Variants in CRPPA observed in about 807,000 individuals in gnomAD.
CRPPA encodes CDP-L-ribitol pyrophosphorylase A, also known as D-ribitol-5-phosphate cytidylyltransferase.
A neutral mutation model predicts 52.0 loss-of-function variants in CRPPA; 43 were observed. That is an observed-to-expected ratio of 0.83 (90% confidence interval 0.65 to 1.07). The LOEUF (loss-of-function observed/expected upper bound fraction) is 1.07. Among genes scored for constraint, CRPPA ranks in the 50% least tolerant of loss-of-function variants. CRPPA has a pLI of 0.00. For missense variants in CRPPA, 629 were observed against 551.7 expected, an observed-to-expected ratio of 1.14 and a Z score of -1.40; for synonymous variants, 250 against 203.5, an observed-to-expected ratio of 1.23 and a Z score of -1.94.
intron 8 of CRPPA, among the ~76,000 whole-genome samples, chr7:16,249,200 A>G (rs958682076): frequency 2.0e-5 from 3 of 152,174 alleles, no homozygotes; most frequent in African/African-American, 7.2e-5. Flanking sequence ...TGGGCAGGGC[A>G]TCTCTGAACA....
intron 9 of CRPPA, among the ~76,000 whole-genome samples, chr7:16,203,301 T>C (rs528036302): frequency 6.6e-6 from 1 of 152,240 alleles, no homozygotes; most frequent in South Asian, 2.1e-4. Flanking sequence ...GCCCCACCCT[T>C]ATTCTCGTTC....
chr7:16,134,552 A>T (rs1405564050), intron 9 of CRPPA, among the ~76,000 whole-genome samples: 1 of 152,230 alleles, frequency 6.6e-6, no homozygotes, highest in East Asian at 1.9e-4. Flanking sequence ...TTAGTAGTCA[A>T]GTTTTTGGAG....
At chr7:16,343,420 A>G (rs1031404823) in intron 3 of CRPPA, among the ~76,000 whole-genome samples, 4 of 152,190 alleles carry the variant, frequency 2.6e-5, no homozygotes, top group African/African-American at 7.2e-5. Flanking sequence ...GAAGCCTAGT[A>G]GCCAATGAAA....
At chr7:16,203,160 T>C (rs573247099) in intron 9 of CRPPA, among the ~76,000 whole-genome samples, 2 of 152,326 alleles carry the variant, frequency 1.3e-5, no homozygotes, top group South Asian at 2.1e-4. Context: ...ACATTTTATA[T>C]AATTTGGACA....
At chr7:16,109,642 A>C (rs1053730659) in intron 9 of CRPPA, among the ~76,000 whole-genome samples, 5 of 152,054 alleles carry the variant, frequency 3.3e-5, no homozygotes, top group African/African-American at 1.2e-4. Flanking sequence ...TGACAGATGC[A>C]AGGATGATTC....
At chr7:16,146,292 T>G (rs1046578190) in intron 9 of CRPPA, among the ~76,000 whole-genome samples, 9 of 151,882 alleles carry the variant, frequency 5.9e-5, no homozygotes, top group Non-Finnish European at 1.2e-4. Context: ...TTCCTTTATC[T>G]CTTTATCTCT....
chr7:16,362,374 G>C (rs1476257961), intron 3 of CRPPA, among the ~76,000 whole-genome samples: 3 of 152,204 alleles, frequency 2.0e-5, no homozygotes, highest in Admixed American at 6.5e-5. Flanking sequence ...AACACACACA[G>C]TGTCCTCACA....
intron 5 of CRPPA, among the ~76,000 whole-genome samples, chr7:16,285,709 G>A (rs570757678): frequency 6.6e-6 from 1 of 151,914 alleles, no homozygotes; most frequent in African/African-American, 2.4e-5. Flanking sequence ...AATGGTAAAG[G>A]TATGTATATA....
rs892736912 is a variant in CRPPA at position 16,342,639 on chromosome 7, G to T, written c.684+33453C>A. Among the ~76,000 whole-genome samples the T allele has an allele frequency of 6.0e-5, 9 of 150,262 alleles. No homozygotes were observed. In the South Asian group the frequency reaches 1.3e-3, roughly 21 times the overall value. On this transcript the variant is annotated intron_variant, in intron 3 of 9. Coordinates refer to ENST00000407010, the MANE Select transcript of CRPPA (RefSeq NM_001101426.4). Reference sequence around the variant, plus strand: ...GAATTAAAAACATGCACAAGGCCGGGCACAGTGGATCACACCAGTAATGCC... The same window carrying T: ...GAATTAAAAACATGCACAAGGCCGGTCACAGTGGATCACACCAGTAATGCC...
chr7:16,206,579 A>C (rs1287145754), intron 9 of CRPPA, among the ~76,000 whole-genome samples: 1 of 152,086 alleles, frequency 6.6e-6, no homozygotes. Context: ...TTTTTTAAAA[A>C]AGAACATAGT....
intron 9 of CRPPA, among the ~76,000 whole-genome samples, chr7:16,093,102 C>T (rs1432351437): frequency 6.6e-6 from 1 of 152,184 alleles, no homozygotes; most frequent in East Asian, 1.9e-4. Context: ...TCTAGCACAC[C>T]GAATTTTATA....
At chr7:16,311,428 T>G (rs1785032415) in intron 3 of CRPPA, among the ~76,000 whole-genome samples, 1 of 152,142 alleles carries the variant, frequency 6.6e-6, no homozygotes, top group Non-Finnish European at 1.5e-5. Context: ...GCTGTAATCA[T>G]AGAATATTTA....
At chr7:16,188,206 G>A (rs1184405228) in intron 9 of CRPPA, among the ~76,000 whole-genome samples, 4 of 151,774 alleles carry the variant, frequency 2.6e-5, no homozygotes, top group African/African-American at 9.7e-5. Context: ...GGATGGTCTC[G>A]ATTTCCTGAC....
At chr7:16,185,739 A>C (rs1781493140) in intron 9 of CRPPA, among the ~76,000 whole-genome samples, 1 of 152,222 alleles carries the variant, frequency 6.6e-6, no homozygotes, top group Admixed American at 6.5e-5. Context: ...CTAGGTATCA[A>C]GTTCTAACAG....
At chr7:16,109,818 C>A (rs1461576940) in intron 9 of CRPPA, among the ~76,000 whole-genome samples, 1 of 151,894 alleles carries the variant, frequency 6.6e-6, no homozygotes, top group Non-Finnish European at 1.5e-5. Flanking sequence ...ACAATAAAGG[C>A]CATATATGGG....
chr7:16,130,600 G>C (rs1276350808), intron 9 of CRPPA, among the ~76,000 whole-genome samples: 2 of 152,144 alleles, frequency 1.3e-5, no homozygotes, highest in Non-Finnish European at 2.9e-5. Flanking sequence ...TGCAGGATTT[G>C]GAAGGCTTCC....
At chr7:16,160,522 T>C (rs1783280519) in intron 9 of CRPPA, among the ~76,000 whole-genome samples, 1 of 152,206 alleles carries the variant, frequency 6.6e-6, no homozygotes, top group Non-Finnish European at 1.5e-5. Flanking sequence ...GTTCCACTGG[T>C]CTGTATGTTT....
chr7:16,286,425 G>A (rs746511602), intron 5 of CRPPA, among the ~76,000 whole-genome samples: 21 of 151,860 alleles, frequency 1.4e-4, no homozygotes, highest in South Asian at 6.2e-4. Flanking sequence ...CTCCTCTTTG[G>A]TGTTTCTCTG....
At chr7:16,416,183 A>C (rs1788186331) in intron 1 of CRPPA, among the ~76,000 whole-genome samples, 1 of 152,326 alleles carries the variant, frequency 6.6e-6, no homozygotes, top group African/African-American at 2.4e-5. Context: ...CAAACAGCAC[A>C]GTATTGGTAC....
Sources: gnomAD v4.1 joint callset for allele counts (sites outside exome capture counted in the v4.1 genomes callset) on GRCh38, gnomAD v4.1.1 for gene constraint, MANE v1.5 for transcripts, NCBI Gene and HGNC (gene_info 2026-07-23, HGNC 2026-07-21) for gene names.